Variants in UGGT2 observed in about 807,000 individuals in gnomAD.
The protein encoded by UGGT2 is UDP-glucose glycoprotein glucosyltransferase 2.
Under a neutral mutation model 192.1 loss-of-function variants are expected in UGGT2, and 180 were observed. The observed-to-expected ratio is 0.94, with a 90% CI of 0.83 to 1.06. The LOEUF (loss-of-function observed/expected upper bound fraction) is 1.06, where lower values mean the gene tolerates loss of function less well. Among genes scored for constraint, UGGT2 ranks in the 50% least tolerant of loss-of-function variants. The pLI is 0.00. For synonymous variants in UGGT2, 580 were observed against 591.0 expected (o/e 0.98, Z 0.27); for missense variants, 1,849 against 1,795.7 (o/e 1.03, Z -0.54).
rs540562684 is a variant in UGGT2 at position 96,046,992 on chromosome 13, C to G, written c.158+6163G>C. Among the ~76,000 whole-genome samples, 11 of 152,314 alleles carry G rather than the reference C, an allele frequency of 7.2e-5. No homozygotes were observed. In the South Asian group the frequency reaches 2.3e-3, roughly 32 times the overall value. ...CTGGAAGCTTGAACTGGGTGGAGCC[C>G]ACCACAGCTCCAGGAGGCCTGCCTG... On this transcript the variant is annotated intron_variant, in intron 1 of 38. Coordinates refer to ENST00000376747, the MANE Select transcript of UGGT2 (RefSeq NM_020121.4).
intron 16 of UGGT2, among the ~76,000 whole-genome samples, chr13:95,938,628 T>C (rs1203726962): frequency 1.3e-5 from 2 of 152,198 alleles, no homozygotes; most frequent in African/African-American, 4.8e-5. Context: ...TATGAATGCA[T>C]GTAAATGATA....
intron 38 of UGGT2, among the ~76,000 whole-genome samples, chr13:95,812,068 A>G (rs551542151): frequency 1.3e-5 from 2 of 152,140 alleles, no homozygotes; most frequent in African/African-American, 2.4e-5. Context: ...TTTACTGTAA[A>G]AAGACAGATA....
intron 36 of UGGT2, among the ~76,000 whole-genome samples, chr13:95,844,285 G>A (rs562315995): frequency 5.9e-5 from 9 of 152,192 alleles, no homozygotes; most frequent in African/African-American, 1.9e-4. Context: ...TTAGGTCTAC[G>A]GCATTCCATT....
At chr13:96,035,254 A>G (rs1034934939) in intron 1 of UGGT2, among the ~76,000 whole-genome samples, 5 of 152,182 alleles carry the variant, frequency 3.3e-5, no homozygotes, top group African/African-American at 1.2e-4. Flanking sequence ...ACTCAGAAAT[A>G]AGACTGCACA....
chr13:95,834,973 T>C (rs1232312352), intron 37 of UGGT2, among the ~76,000 whole-genome samples: 3 of 152,150 alleles, frequency 2.0e-5, no homozygotes, highest in South Asian at 2.1e-4. Flanking sequence ...TGTATAAAAA[T>C]GTAAGAGGAA....
At chr13:95,815,741 T>C (rs1257434845) in intron 38 of UGGT2, among the ~76,000 whole-genome samples, 2 of 152,178 alleles carry the variant, frequency 1.3e-5, no homozygotes, top group African/African-American at 4.8e-5. Context: ...ATAGGCACTT[T>C]GCAAAAAAAC....
chr13:95,932,327 G>GTGTGTA (rs2049313999), intron 17 of UGGT2, among the ~76,000 whole-genome samples: 1 of 145,254 alleles, frequency 6.9e-6, no homozygotes, highest in Non-Finnish European at 1.6e-5. Flanking sequence ...GTGTGTGTGT[G>GTGTGTA]TGTGTGTGTG....
intron 32 of UGGT2, 70 bp from the exon 33 acceptor site, chr13:95,859,745 G>C: frequency 8.6e-7 from 1 of 1,162,336 alleles, no homozygotes; most frequent in Non-Finnish European, 1.2e-6. Flanking sequence ...TTTTAACCTT[G>C]AAGTGTTTTT....
At position 95,927,270 on chromosome 13, in the gene UGGT2, T is replaced by C; in HGVS notation, c.2044A>G (p.Ile682Val). The change falls in exon 18 of 39, where the codon ATA (isoleucine) becomes GTA (valine). Residue 682 changes from isoleucine (I) to valine (V), a missense_variant. By Grantham distance (29) the Ile-to-Val change is conservative. Coordinates refer to ENST00000376747, the MANE Select transcript of UGGT2 (RefSeq NM_020121.4). ...LMDRNNVVPR[I>V]NTLILRTNQQ... is the part of the protein sequence containing the mutation. ...TTAGTACGCAAAATCAAAGTATTTA[T>C]ACGGGGTACAACATTATTCCTATCC... is the stretch of plus-strand genomic sequence containing the variant. 2 of 1,612,702 alleles carry C rather than the reference T, an allele frequency of 1.2e-6. No homozygotes were observed. Among genetic ancestry groups the C allele is most frequent in the Non-Finnish European group, 8.5e-7 (1 of 1,179,344 alleles).
At chr13:95,810,276 G>A (rs182038216) in intron 38 of UGGT2, among the ~76,000 whole-genome samples, 20 of 152,296 alleles carry the variant, frequency 1.3e-4, no homozygotes, top group East Asian at 3.9e-4. Context: ...AACTGCTCAT[G>A]TGGAGATGAT....
chr13:95,896,438 G>A (rs936264894), intron 22 of UGGT2, among the ~76,000 whole-genome samples: 33 of 152,160 alleles, frequency 2.2e-4, no homozygotes, highest in African/African-American at 7.7e-4. Context: ...GTCTTAAGAC[G>A]TGATATAATT....
chr13:95,826,761 A>G (rs1357562740), intron 38 of UGGT2, among the ~76,000 whole-genome samples: 35 of 152,028 alleles, frequency 2.3e-4, no homozygotes, highest in Admixed American at 2.3e-3. Context: ...AATTCTCTCA[A>G]GCCAACTAAT....
intron 12 of UGGT2, among the ~76,000 whole-genome samples, chr13:95,964,827 A>T (rs1473783360): frequency 6.6e-6 from 1 of 151,012 alleles, no homozygotes; most frequent in African/African-American, 2.4e-5. Context: ...ATGGGAGAAA[A>T]TTTTCGCAAC....
rs1466949797 is a variant in UGGT2 at position 95,909,776 on chromosome 13, TAATAAA to T, written c.2296-6722_2296-6717del. Among the ~76,000 whole-genome samples, 217 of 47,732 alleles carry T rather than the reference TAATAAA, an allele frequency of 4.5e-3. 2 individuals are homozygous for T. The highest frequency in any genetic ancestry group is 0.011 in the African/African-American group (134 of 11,934). The allele number at this position is 47,732 out of a possible 152,430, so 31.3% of individuals were successfully genotyped here. On this transcript the variant is annotated intron_variant, in intron 20 of 38. Transcript: ENST00000376747. ...ATAATAATAATAATAATAATAATAA[TAATAAA>T]AAAGATTCCTGCCCACTAAAAAAAA...
At chr13:95,997,229 C>CA (rs2051652130) in intron 6 of UGGT2, among the ~76,000 whole-genome samples, 1 of 151,902 alleles carries the variant, frequency 6.6e-6, no homozygotes, top group Admixed American at 6.6e-5. Context: ...AACAGAGACA[C>CA]AAAAAATACA....
At chr13:95,938,051 A>G (rs918413588) in intron 16 of UGGT2, among the ~76,000 whole-genome samples, 2 of 152,194 alleles carry the variant, frequency 1.3e-5, no homozygotes, top group African/African-American at 4.8e-5. Context: ...ATTTCCCTGC[A>G]CAAGTTCTCT....
chr13:95,881,066 C>T (rs868526368), intron 27 of UGGT2, among the ~76,000 whole-genome samples: 3 of 152,044 alleles, frequency 2.0e-5, no homozygotes, highest in East Asian at 3.9e-4. Flanking sequence ...CCTAGCTACT[C>T]GGGGGGCTGG....
rs143906515 is a variant in UGGT2 at position 96,023,649 on chromosome 13, C to A, written c.352G>T (p.Ala118Ser). 1.2e-5 allele frequency: 20 copies of A among 1,609,380 alleles called. No individual in the cohort carries two copies. The highest frequency in any genetic ancestry group is 1.7e-5 in the Admixed American group (1 of 59,714). Reference protein sequence around the residue: ...FAFSIRAYSPAIQMFQQIAAD... With the variant: ...FAFSIRAYSPSIQMFQQIAAD... ...CGCACCTGCTGAAACATCTGAATAG[C>A]TGGGGAGTATGCCCTTATAGAGAAA... Residue 118 changes from alanine to serine, a missense_variant, in exon 3 of 39, where the codon GCT becomes TCT. Transcript: ENST00000376747.
At chr13:95,927,395 A>G (rs1472428793) in intron 17 of UGGT2, 59 bp from the exon 18 acceptor site, 4 of 1,430,140 alleles carry the variant, frequency 2.8e-6, no homozygotes, top group Non-Finnish European at 3.8e-6. Context: ...TGTTTCAAAA[A>G]GTATGCAGAT....
Sources: gnomAD v4.1 joint callset for allele counts (sites outside exome capture counted in the v4.1 genomes callset) on GRCh38, gnomAD v4.1.1 for gene constraint, MANE v1.5 for transcripts, NCBI Gene and HGNC (gene_info 2026-07-23, HGNC 2026-07-21) for gene names.